The following CHCHD3 variants were observed in gnomAD, a reference collection of about 807,000 sequenced individuals.
CHCHD3 encodes the protein MICOS complex subunit MIC19.
In CHCHD3, 20 loss-of-function variants were observed where a neutral mutation model predicts 38.2. That is an observed-to-expected ratio of 0.52 (90% CI 0.37 to 0.76). CHCHD3 has a LOEUF of 0.76. Among genes scored for constraint, CHCHD3 ranks in the 30% least tolerant of loss-of-function variants. The pLI is 0.00. For missense variants in CHCHD3, 245 were observed against 279.2 expected (o/e 0.88, Z 0.87); for synonymous variants, 82 against 100.0 (o/e 0.82, Z 1.07).
intron 4 of CHCHD3, among the ~76,000 whole-genome samples, chr7:132,892,593 T>C (rs1809389258): frequency 6.6e-6 from 1 of 152,174 alleles, no homozygotes; most frequent in Non-Finnish European, 1.5e-5. Flanking sequence ...CTCCAGGGCA[T>C]GTCAGAGGAC....
At chr7:132,984,699 T>C (rs1812038893) in intron 3 of CHCHD3, among the ~76,000 whole-genome samples, 1 of 145,016 alleles carries the variant, frequency 6.9e-6, no homozygotes, top group Non-Finnish European at 1.5e-5. Flanking sequence ...GTGAGGAGCG[T>C]CTCTGCCCGG....
intron 5 of CHCHD3, among the ~76,000 whole-genome samples, chr7:132,853,219 G>A (rs1244116437): frequency 2.6e-5 from 4 of 152,184 alleles, no homozygotes; most frequent in Admixed American, 1.3e-4. Flanking sequence ...GCCTTAATGA[G>A]GAGGTGCTCT....
At chr7:132,996,054 G>C (rs1194739899) in intron 3 of CHCHD3, among the ~76,000 whole-genome samples, 1 of 152,146 alleles carries the variant, frequency 6.6e-6, no homozygotes, top group Non-Finnish European at 1.5e-5. Flanking sequence ...ACATGTGCTG[G>C]AATGTGTATT....
intron 4 of CHCHD3, among the ~76,000 whole-genome samples, chr7:132,886,101 C>T (rs184737338): frequency 3.0e-4 from 45 of 152,196 alleles, no homozygotes; most frequent in Admixed American, 9.8e-4. Flanking sequence ...GCATAAGATA[C>T]ATGGCTCTTT....
chr7:133,056,875 T>C (rs1182340358), intron 2 of CHCHD3, among the ~76,000 whole-genome samples: 2 of 152,326 alleles, frequency 1.3e-5, no homozygotes, highest in East Asian at 3.9e-4. Flanking sequence ...TGAGACAACT[T>C]GTCCATGATC....
intron 4 of CHCHD3, among the ~76,000 whole-genome samples, chr7:132,934,343 G>A (rs1433385901): frequency 6.6e-6 from 1 of 152,040 alleles, no homozygotes; most frequent in Non-Finnish European, 1.5e-5. Context: ...TCCTATCGTG[G>A]TCCTGGGCTC....
chr7:133,028,103 T>C (rs1813397043), intron 2 of CHCHD3, among the ~76,000 whole-genome samples: 1 of 152,156 alleles, frequency 6.6e-6, no homozygotes, highest in Admixed American at 6.5e-5. Flanking sequence ...GCTCCATTTG[T>C]AGCAAAAACT....
At chr7:132,955,557 T>A (rs1354810535) in intron 4 of CHCHD3, among the ~76,000 whole-genome samples, 1 of 151,018 alleles carries the variant, frequency 6.6e-6, no homozygotes, top group Non-Finnish European at 1.5e-5. Context: ...TTTTTTTTAA[T>A]GTGATTAACA....
At chr7:132,857,474 C>T (rs1476757976) in intron 5 of CHCHD3, among the ~76,000 whole-genome samples, 1 of 152,098 alleles carries the variant, frequency 6.6e-6, no homozygotes, top group Non-Finnish European at 1.5e-5. Flanking sequence ...ATGGTGTGGT[C>T]TTGGCTCACT....
intron 5 of CHCHD3, among the ~76,000 whole-genome samples, chr7:132,884,440 A>G (rs1241902029): frequency 1.3e-5 from 2 of 152,162 alleles, no homozygotes; most frequent in African/African-American, 4.8e-5. Flanking sequence ...TCACTAGTAC[A>G]TAGCTGCTGG....
chr7:132,882,520 T>C (rs1300165809), intron 5 of CHCHD3, among the ~76,000 whole-genome samples: 1 of 150,568 alleles, frequency 6.6e-6, no homozygotes, highest in Non-Finnish European at 1.5e-5. Flanking sequence ...TTTGATCTTA[T>C]CATATCGTGT....
chr7:132,793,951 G>T (rs938388712), intron 7 of CHCHD3, among the ~76,000 whole-genome samples: 1 of 152,190 alleles, frequency 6.6e-6, no homozygotes, highest in East Asian at 1.9e-4. Context: ...GGGTCATGAG[G>T]TTAGCCTAAA....
intron 3 of CHCHD3, among the ~76,000 whole-genome samples, chr7:133,009,450 C>T: frequency 6.6e-6 from 1 of 150,596 alleles, no homozygotes. Flanking sequence ...TTTGCCTTCT[C>T]TGGTGCCTGG....
chr7:133,077,310 G>A (rs1036967890), intron 1 of CHCHD3, among the ~76,000 whole-genome samples: 1 of 152,160 alleles, frequency 6.6e-6, no homozygotes, highest in African/African-American at 2.4e-5. Context: ...AGGGCTGACC[G>A]AATTTGTAGT....
intron 5 of CHCHD3, among the ~76,000 whole-genome samples, chr7:132,876,064 G>A (rs891814636): frequency 1.3e-5 from 2 of 152,194 alleles, no homozygotes; most frequent in Non-Finnish European, 2.9e-5. Flanking sequence ...TCTAACAGAA[G>A]CACTGCAATT....
intron 4 of CHCHD3, among the ~76,000 whole-genome samples, chr7:132,924,961 G>T (rs374481841): frequency 5.3e-5 from 8 of 152,136 alleles, no homozygotes; most frequent in East Asian, 1.9e-4. Flanking sequence ...TGAACACTGG[G>T]GGTGAACCTG....
At chr7:133,064,295 T>C (rs1814607259) in intron 2 of CHCHD3, among the ~76,000 whole-genome samples, 1 of 152,210 alleles carries the variant, frequency 6.6e-6, no homozygotes, top group African/African-American at 2.4e-5. Flanking sequence ...GAGAATTAGA[T>C]TTAATGCCTT....
At chr7:132,941,656 A>G (rs1419022531) in intron 4 of CHCHD3, among the ~76,000 whole-genome samples, 1 of 152,138 alleles carries the variant, frequency 6.6e-6, no homozygotes. Flanking sequence ...TTTTAATACC[A>G]TCATCTCCCC....
chr7:133,011,261 T>C (rs1422023686), intron 3 of CHCHD3, among the ~76,000 whole-genome samples: 1 of 152,214 alleles, frequency 6.6e-6, no homozygotes, highest in African/African-American at 2.4e-5. Flanking sequence ...CTAAACCTAA[T>C]GAAGCCATTA....
Sources: gnomAD v4.1 joint callset for allele counts (sites outside exome capture counted in the v4.1 genomes callset) on GRCh38, gnomAD v4.1.1 for gene constraint, MANE v1.5 for transcripts, NCBI Gene and HGNC (gene_info 2026-07-23, HGNC 2026-07-21) for gene names.